The following SYAP1 variants were observed in gnomAD, a reference collection of about 807,000 sequenced individuals.
SYAP1 encodes the protein synapse-associated protein 1.
A neutral mutation model predicts 29.6 loss-of-function variants in SYAP1; 3 were observed. That is an observed-to-expected ratio of 0.10 (90% CI 0.05 to 0.26). The LOEUF (loss-of-function observed/expected upper bound fraction) is 0.26, where lower values mean the gene tolerates loss of function less well. Among genes scored for constraint, SYAP1 ranks in the 10% least tolerant of loss-of-function variants. SYAP1 has a pLI of 1.00. For missense variants in SYAP1, 217 were observed against 264.1 expected (o/e 0.82, Z 1.24); for synonymous variants, 102 against 102.7 (o/e 0.99, Z 0.04).
At chrX:16,721,965 AAC>A (rs943244667) in intron 1 of SYAP1, among the ~76,000 whole-genome samples, 1 of 112,257 alleles carries the variant, frequency 8.9e-6, no homozygotes, top group African/African-American at 3.2e-5. Context: ...AGTACCCACA[AAC>A]ACACACACAT....
chrX:16,753,413 C>CA (rs200899959), intron 5 of SYAP1, among the ~76,000 whole-genome samples: 52 of 108,044 alleles, frequency 4.8e-4, no homozygotes, highest in African/African-American at 9.4e-4. Flanking sequence ...GACTTTGTCT[C>CA]AAAAAAAAAT....
chrX:16,744,826 C>T (rs867456810), intron 5 of SYAP1, among the ~76,000 whole-genome samples: 1 of 111,237 alleles, frequency 9.0e-6, no homozygotes, highest in African/African-American at 3.3e-5. Flanking sequence ...ATTAGCCGGG[C>T]GTAGTGGTGC....
intron 1 of SYAP1, among the ~76,000 whole-genome samples, chrX:16,726,624 A>C (rs1209694877): frequency 9.0e-6 from 1 of 111,290 alleles, no homozygotes. Context: ...CCCCACTGTC[A>C]ATTTGCGCAT....
intron 1 of SYAP1, among the ~76,000 whole-genome samples, chrX:16,728,054 T>C (rs973894593): frequency 8.9e-6 from 1 of 112,316 alleles, no homozygotes; most frequent in Non-Finnish European, 1.9e-5. Flanking sequence ...GAAACAAATA[T>C]GCTCCACATT....
intron 8 of SYAP1, among the ~76,000 whole-genome samples, chrX:16,758,407 G>A (rs957610295): frequency 1.9e-5 from 2 of 108,076 alleles, no homozygotes; most frequent in African/African-American, 6.8e-5. Context: ...GAGTGCAGTG[G>A]TGCAGTCACG....
intron 3 of SYAP1, among the ~76,000 whole-genome samples, chrX:16,739,476 CTTT>C (rs760754281): frequency 4.9e-5 from 4 of 81,517 alleles, no homozygotes; most frequent in African/African-American, 4.9e-5. Flanking sequence ...CTCTCTCTCT[CTTT>C]TTTTTTTTTT....
intron 7 of SYAP1, among the ~76,000 whole-genome samples, 160 bp downstream of exon 7, chrX:16,756,881 C>T (rs148499616): frequency 4.5e-5 from 5 of 111,623 alleles, no homozygotes; most frequent in Admixed American, 2.9e-4. Context: ...GACTTGAGGA[C>T]GATTTACTGG....
intron 5 of SYAP1, among the ~76,000 whole-genome samples, chrX:16,750,882 A>G (rs1926715357): frequency 9.4e-6 from 1 of 106,145 alleles, no homozygotes. Context: ...ATTCTCCTGC[A>G]TTAGCCTCCC....
At chrX:16,738,540 C>T (rs1022374090) in intron 3 of SYAP1, among the ~76,000 whole-genome samples, 1 of 111,941 alleles carries the variant, frequency 8.9e-6, no homozygotes, top group Non-Finnish European at 1.9e-5. Flanking sequence ...GGCCTAGTGG[C>T]ATGCGCCTGT....
chrX:16,749,642 G>A (rs1312728494), intron 5 of SYAP1, among the ~76,000 whole-genome samples: 2 of 111,041 alleles, frequency 1.8e-5, no homozygotes, highest in Non-Finnish European at 1.9e-5. Flanking sequence ...CAGGCCAGGC[G>A]CGGTGGCTCA....
intron 3 of SYAP1, among the ~76,000 whole-genome samples, chrX:16,740,049 C>T (rs144338169): frequency 0.025 from 2,796 of 110,832 alleles, 108 homozygotes; most frequent in African/African-American, 0.086. Context: ...ACGAGCTTGC[C>T]ATTGTTTTTG....
At chrX:16,722,201 A>G (rs906629638) in intron 1 of SYAP1, among the ~76,000 whole-genome samples, 1 of 111,962 alleles carries the variant, frequency 8.9e-6, no homozygotes, top group African/African-American at 3.2e-5. Flanking sequence ...CCTGACTCCC[A>G]GAGTAGATTC....
Position 16,733,656 on chromosome X carries a change from C to A in SYAP1, c.176-1571C>A, listed in dbSNP as rs370424695. Among the ~76,000 whole-genome samples the A allele has an allele frequency of 1.3e-4, 14 of 107,813 alleles. No individual in the cohort carries two copies. In the East Asian group the frequency reaches 2.0e-3, roughly 15 times the overall value. The allele number at this position is 107,813 out of a possible 115,157, so 93.6% of individuals were successfully genotyped here. ...ATGTGGACTTTGAAATGATATTTGT[C>A]TACAAATTAGCCCTTTTTTTTTTTT... On this transcript the variant is annotated intron_variant, in intron 1 of 8. Coordinates refer to ENST00000380155, the MANE Select transcript of SYAP1 (RefSeq NM_032796.4).
intron 1 of SYAP1, among the ~76,000 whole-genome samples, chrX:16,723,557 A>T (rs1926013969): frequency 9.0e-6 from 1 of 111,376 alleles, no homozygotes; most frequent in African/African-American, 3.3e-5. Context: ...TGTGCTCCCT[A>T]CCCCTGGAAG....
At chrX:16,737,316 TTGAG>T (rs1330639368) in intron 3 of SYAP1, among the ~76,000 whole-genome samples, 1 of 111,037 alleles carries the variant, frequency 9.0e-6, no homozygotes, top group Non-Finnish European at 1.9e-5. Flanking sequence ...GCTTGGGAGT[TTGAG>T]GCTGTAGTGA....
intron 4 of SYAP1, among the ~76,000 whole-genome samples, chrX:16,742,142 G>GTTTTTTTTT (rs1569250113): frequency 1.6e-5 from 1 of 63,543 alleles, no homozygotes. Flanking sequence ...ATTTTTGTGT[G>GTTTTTTTTT]GTTTTTTTTT....
chrX:16,742,867 A>G lies in SYAP1; in HGVS notation c.436-834A>G, dbSNP rs141495564. On this transcript the variant is annotated intron_variant, in intron 4 of 8. Transcript: ENST00000380155. Reference sequence around the variant, plus strand: ...TGGCCTCAAGCGATCCTCTTGCCCAACTTCCCAAAGTGCTGGATTATAGCC... The same window carrying G: ...TGGCCTCAAGCGATCCTCTTGCCCAGCTTCCCAAAGTGCTGGATTATAGCC... Among the ~76,000 whole-genome samples, 758 of 107,228 alleles carry G rather than the reference A, an allele frequency of 7.1e-3. 9 individuals carry two copies. Among genetic ancestry groups the G allele is most frequent in the African/African-American group, 0.024 (711 of 29,423 alleles). 93.1% of individuals were successfully genotyped at this position (107,228 alleles called of 115,157 possible). A position where few individuals can be genotyped will look rare whatever the true frequency, so the allele number is the denominator to read the frequency against.
At position 16,765,318 on chromosome X, in the gene SYAP1, A is replaced by T. The variant is rs1290776372; in HGVS notation, c.*4959A>T. 2 of 112,283 alleles carry T rather than the reference A, an allele frequency of 1.8e-5. No homozygotes were observed. Among genetic ancestry groups the T allele is most frequent in the Non-Finnish European group, 3.8e-5 (2 of 53,323 alleles). The allele number at this position is 112,283 out of a possible 1,213,427, so 9.3% of individuals were successfully genotyped here. A position where few individuals can be genotyped will look rare whatever the true frequency, so the allele number is the denominator to read the frequency against. The stretch of plus-strand genomic sequence containing the variant: ...GTTACCTTTTTTTCTGAATAAATAA[A>T]GCTTACTTTTAGTGGCAAGGTATAA... On this transcript the variant is annotated 3_prime_UTR_variant, in exon 9 of 9. Transcript: ENST00000380155.
rs1390472378 is a variant in SYAP1, at chrX:16,735,272, A to T, written c.221A>T (p.Glu74Val). The T allele has an allele frequency of 8.3e-7, 1 of 1,200,332 alleles. No homozygotes were observed. The highest frequency in any genetic ancestry group is 1.1e-6 in the Non-Finnish European group (1 of 891,483). The change falls in exon 2 of 9, where the codon GAA becomes GTA. Residue 74 changes from glutamate to valine, a missense_variant. Transcript: ENST00000380155. The stretch of plus-strand genomic sequence containing the variant: ...TCTGCTGCCACAAAAAAGATAACTG[A>T]ATCAGTTGCTGAAACAGCACAAACA... Reference protein sequence around the residue: ...FASAATKKITESVAETAQTIK... With the variant: ...FASAATKKITVSVAETAQTIK...
Sources: gnomAD v4.1 joint callset for allele counts (sites outside exome capture counted in the v4.1 genomes callset) on GRCh38, gnomAD v4.1.1 for gene constraint, MANE v1.5 for transcripts, NCBI Gene and HGNC (gene_info 2026-07-23, HGNC 2026-07-21) for gene names.